Variants in NRG1 observed in about 807,000 individuals in gnomAD.
NRG1 encodes pro-neuregulin-1, membrane-bound isoform.
A neutral mutation model predicts 63.8 loss-of-function variants in NRG1; 18 were observed. The observed-to-expected ratio is 0.28, with a 90% confidence interval of 0.19 to 0.42. The LOEUF is 0.42. Among genes scored for constraint, NRG1 ranks in the 10% least tolerant of loss-of-function variants. The probability of loss-of-function intolerance (pLI) is 1.00; values close to 1 mark genes in which losing one functional copy is unlikely to be tolerated. For synonymous variants in NRG1, 302 were observed against 301.3 expected (o/e 1.00, Z -0.02); for missense variants, 762 against 814.7 (o/e 0.94, Z 0.79).
intron 1 of NRG1, among the ~76,000 whole-genome samples, chr8:32,277,107 T>C (rs1252176266): frequency 1.3e-5 from 2 of 152,226 alleles, no homozygotes; most frequent in Non-Finnish European, 2.9e-5. Context: ...ATATTACTAT[T>C]GCATTAAACG....
exon 10 of NRG1, chr8:32,759,433 A>G (rs936338795): frequency 1.9e-6 from 3 of 1,612,158 alleles, no homozygotes; most frequent in African/African-American, 2.7e-5. Flanking sequence ...ACTCCTAGCC[A>G]CAGGTATGAG....
chr8:32,331,890 A>G (rs1403788164), intron 1 of NRG1, among the ~76,000 whole-genome samples: 1 of 152,194 alleles, frequency 6.6e-6, no homozygotes, highest in Non-Finnish European at 1.5e-5. Flanking sequence ...AGCATCTTAC[A>G]TCAGCTTGCT....
intron 1 of NRG1, among the ~76,000 whole-genome samples, chr8:31,931,474 A>G (rs1834858202): frequency 6.6e-6 from 1 of 152,140 alleles, no homozygotes; most frequent in Admixed American, 6.5e-5. Context: ...CCTAACCTAT[A>G]AAATTTTTGT....
At chr8:32,443,241 CT>C (rs1188106565) in intron 1 of NRG1, among the ~76,000 whole-genome samples, 2 of 152,142 alleles carry the variant, frequency 1.3e-5, no homozygotes, top group African/African-American at 4.8e-5. Flanking sequence ...CACACCCAGC[CT>C]GGGTGTCTGT....
At chr8:32,608,148 C>T (rs1287192606) in intron 3 of NRG1, among the ~76,000 whole-genome samples, 1 of 109,080 alleles carries the variant, frequency 9.2e-6, no homozygotes, top group Non-Finnish European at 1.8e-5. Context: ...CAGTGCAGTT[C>T]CATCTGTATC....
chr8:31,874,849 G>A (rs1428675907), intron 1 of NRG1, among the ~76,000 whole-genome samples: 1 of 151,884 alleles, frequency 6.6e-6, no homozygotes, highest in Non-Finnish European at 1.5e-5. Context: ...GACTCACTGG[G>A]GAATAAACAG....
chr8:31,767,847 CAA>C (rs55792550), intron 1 of NRG1, among the ~76,000 whole-genome samples: 516 of 104,384 alleles, frequency 4.9e-3, no homozygotes, highest in Non-Finnish European at 7.6e-3. Flanking sequence ...AACTCTTTCT[CAA>C]AAAAAAAAAA....
intron 1 of NRG1, among the ~76,000 whole-genome samples, chr8:32,095,048 A>G: frequency 6.6e-6 from 1 of 151,516 alleles, no homozygotes; most frequent in Non-Finnish European, 1.5e-5. Flanking sequence ...AGTAGCTGGG[A>G]TTACAGGCAC....
intron 1 of NRG1, among the ~76,000 whole-genome samples, chr8:32,411,708 C>A (rs569595564): frequency 6.6e-6 from 1 of 152,248 alleles, no homozygotes; most frequent in African/African-American, 2.4e-5. Flanking sequence ...CACACATAAC[C>A]CTATTAAAAG....
At chr8:32,253,206 G>T (rs1286983366) in intron 1 of NRG1, among the ~76,000 whole-genome samples, 1 of 152,106 alleles carries the variant, frequency 6.6e-6, no homozygotes, top group Non-Finnish European at 1.5e-5. Context: ...TTGCCTGATT[G>T]CCCTGGCCAG....
intron 1 of NRG1, among the ~76,000 whole-genome samples, chr8:31,875,877 A>G (rs1178434014): frequency 6.6e-6 from 1 of 152,148 alleles, no homozygotes; most frequent in Non-Finnish European, 1.5e-5. Flanking sequence ...ACATTTTCAG[A>G]AAAAAAGTTG....
Position 31,828,709 on chromosome 8 carries a change from A to G in NRG1, c.37+189278A>G, listed in dbSNP as rs527784172. On this transcript the variant is annotated intron_variant, in intron 1 of 10. Coordinates refer to the NRG1 transcript ENST00000519301. ...ACGTTATATACCCATGATATTTTCA[A>G]CTTACCCCTTTCCTTTGGTATTTGC... Among the ~76,000 whole-genome samples the G allele has an allele frequency of 2.0e-4, 30 of 152,258 alleles. No homozygotes were observed. In the South Asian group the frequency reaches 6.0e-3, roughly 31 times the overall value.
intron 5 of NRG1, among the ~76,000 whole-genome samples, chr8:32,717,141 T>C (rs1819449368): frequency 2.0e-5 from 3 of 152,148 alleles, no homozygotes; most frequent in Admixed American, 2.0e-4. Context: ...GCGGCAATAC[T>C]ACCTCCCCAT....
chr8:32,375,695 C>T (rs1411026234), intron 1 of NRG1, among the ~76,000 whole-genome samples: 1 of 152,220 alleles, frequency 6.6e-6, no homozygotes, highest in Admixed American at 6.5e-5. Context: ...AGTCCTGCAA[C>T]TGGAGCTACT....
chr8:32,574,363 T>C (rs1410510424), intron 1 of NRG1, among the ~76,000 whole-genome samples: 1 of 152,170 alleles, frequency 6.6e-6, no homozygotes, highest in Admixed American at 6.6e-5. Context: ...TACCCAAATA[T>C]ATAATTCTAA....
chr8:32,356,483 C>T (rs376315991), intron 1 of NRG1, among the ~76,000 whole-genome samples: 1 of 121,072 alleles, frequency 8.3e-6, no homozygotes, highest in South Asian at 3.2e-4. Flanking sequence ...GACCCCCCCC[C>T]CACCCGCCGG....
chr8:32,617,489 G>A (rs984840558), intron 5 of NRG1, among the ~76,000 whole-genome samples: 4 of 152,202 alleles, frequency 2.6e-5, no homozygotes, highest in African/African-American at 7.2e-5. Flanking sequence ...AGATTGATTG[G>A]GGTTTTGTGC....
At chr8:31,854,290 T>A (rs1177143077) in intron 1 of NRG1, among the ~76,000 whole-genome samples, 1 of 152,170 alleles carries the variant, frequency 6.6e-6, no homozygotes, top group East Asian at 1.9e-4. Context: ...CAATTTCAGA[T>A]CCTGTTATTG....
chr8:32,399,266 C>A (rs1380065863), intron 1 of NRG1, among the ~76,000 whole-genome samples: 3 of 152,160 alleles, frequency 2.0e-5, no homozygotes, highest in Non-Finnish European at 2.9e-5. Context: ...AGGTAAAACA[C>A]GTTAATTTTA....
Sources: gnomAD v4.1 joint callset for allele counts (sites outside exome capture counted in the v4.1 genomes callset) on GRCh38, gnomAD v4.1.1 for gene constraint, MANE v1.5 for transcripts, NCBI Gene and HGNC (gene_info 2026-07-23, HGNC 2026-07-21) for gene names.